The following LINGO1 variants were observed in gnomAD, a reference collection of about 807,000 sequenced individuals.
LINGO1 encodes leucine-rich repeat and immunoglobulin-like domain-containing nogo receptor-interacting protein 1.
In LINGO1, 11 loss-of-function variants were observed where a neutral mutation model predicts 37.3. That is an observed-to-expected ratio of 0.29 (90% CI 0.19 to 0.49). LINGO1 has a LOEUF of 0.49. Ranked by LOEUF, LINGO1 falls within the 20% of genes least tolerant of loss-of-function variation. The pLI is 0.99. For missense variants in LINGO1, 585 were observed against 878.2 expected, an observed-to-expected ratio of 0.67 and a Z score of 4.22; for synonymous variants, 387 against 403.0, an observed-to-expected ratio of 0.96 and a Z score of 0.48.
At chr15:77,704,410 C>T (rs1185760695) in intron 2 of LINGO1, among the ~76,000 whole-genome samples, 1 of 150,258 alleles carries the variant, frequency 6.7e-6, no homozygotes, top group Non-Finnish European at 1.5e-5. Flanking sequence ...GATTGAACCC[C>T]AACCCTGGCC....
In LINGO1 at chr15:77,613,917, G is replaced by A. The variant is rs895342846; in HGVS notation, c.*127C>T. ...GCGGGGGGCAGCAGGGGACGGAGGCGGGAGGGAGAAAGAGAACGTGTGTAG... is the reference window on the plus strand; with the variant it reads ...GCGGGGGGCAGCAGGGGACGGAGGCAGGAGGGAGAAAGAGAACGTGTGTAG... On this transcript the variant is annotated 3_prime_UTR_variant, in exon 2 of 2. Transcript: ENST00000355300. The A allele has an allele frequency of 5.0e-6, 4 of 801,704 alleles. No individual in the cohort carries two copies. Among genetic ancestry groups the A allele is most frequent in the Admixed American group, 5.7e-5 (2 of 35,292 alleles). 49.7% of individuals were successfully genotyped at this position (801,704 alleles called of 1,614,324 possible). A position where few individuals can be genotyped will look rare whatever the true frequency, so the allele number is the denominator to read the frequency against.
At chr15:77,668,349 G>A (rs1286106851) in intron 3 of LINGO1, among the ~76,000 whole-genome samples, 2 of 152,160 alleles carry the variant, frequency 1.3e-5, no homozygotes, top group African/African-American at 4.8e-5. Context: ...AGAGGGGAAA[G>A]CTTGACTCAA....
chr15:77,715,222 G>T lies in LINGO1; in HGVS notation c.-195+19770C>A, dbSNP rs937094180. On this transcript the variant is annotated intron_variant, in intron 2 of 3. Coordinates refer to the LINGO1 transcript ENST00000561686. ...CACCCCTTTCACACATCCATGGGGC[G>T]CTAGGAGGAAATGGGGCAGCCCTAT... Among the ~76,000 whole-genome samples, 4 of 152,154 alleles carry T rather than the reference G, an allele frequency of 2.6e-5. No homozygotes were observed. In the South Asian group the frequency reaches 8.3e-4, roughly 32 times the overall value.
intron 1 of LINGO1, among the ~76,000 whole-genome samples, chr15:77,809,371 C>T (rs1392893797): frequency 6.6e-6 from 1 of 152,200 alleles, no homozygotes; most frequent in Non-Finnish European, 1.5e-5. Flanking sequence ...AATCTCACCC[C>T]CACCCCTAAC....
chr15:77,633,461 G>T (rs1435557200), upstream of LINGO1, among the ~76,000 whole-genome samples: 1 of 152,190 alleles, frequency 6.6e-6, no homozygotes, highest in Non-Finnish European at 1.5e-5. Flanking sequence ...CCCTCCTCTC[G>T]AAAGTCCGCG....
chr15:77,632,440 G>T lies in LINGO1; in HGVS notation c.-125C>A. On this transcript the variant is annotated 5_prime_UTR_variant, in exon 1 of 2. Transcript: ENST00000355300. This position sits in a 1 kb window ranked among gnomAD's most constrained non-coding sequence, Gnocchi z 6.0. ...TCCTCCTCCTCCGACACCTCCGCCC[G>T]GCAGTCCGCGCGCCCTCGCGGGGCT... 9.3e-7 allele frequency: 1 copy of T among 1,072,798 alleles called. No homozygotes were observed. The highest frequency in any genetic ancestry group is 1.2e-6 in the Non-Finnish European group (1 of 841,396). 66.5% of individuals were successfully genotyped at this position (1,072,798 alleles called of 1,614,324 possible).
Position 77,614,568 on chromosome 15 carries a change from G to A in LINGO1, c.1339C>T (p.Arg447Trp), listed in dbSNP as rs1168136601. Residue 447 changes from arginine to tryptophan, a missense_variant, in exon 2 of 2, where the codon CGG (arginine) becomes TGG (tryptophan). By Grantham distance (101) the Arg-to-Trp change is moderately radical. Around this residue, in one of 4 missense-constraint regions of LINGO1, gnomAD observed 484 missense variants for 735.0 expected, o/e 0.66. Transcript: ENST00000355300. ...GCGGGCGGCGGGTCGCCATCGGCCC[G>A]GCACACAAACTGCACCGTGTGGCCC... ...DEGHTVQFVCRADGDPPPAIL... is the reference protein window; with the variant it reads ...DEGHTVQFVCWADGDPPPAIL... The A allele has an allele frequency of 1.2e-6, 2 of 1,610,510 alleles. No homozygotes were observed. The highest frequency in any genetic ancestry group is 1.7e-6 in the Non-Finnish European group (2 of 1,179,050).
rs56325112 is a variant in LINGO1 at position 77,776,526 on chromosome 15, AAGGGAGGG to A, written c.-257+10335_-257+10342del. Among the ~76,000 whole-genome samples the A allele has an allele frequency of 6.1e-4, 22 of 35,792 alleles. No homozygotes were observed. In the South Asian group the frequency reaches 0.011, roughly 19 times the overall value. 23.5% of individuals were successfully genotyped at this position (35,792 alleles called of 152,430 possible). A position where few individuals can be genotyped will look rare whatever the true frequency, so the allele number is the denominator to read the frequency against. ...GAAGGCAGGAAGGCAGGAAGGGAGG[AAGGGAGGG>A]AGGGAGGGAGGGAGGGAGGGAGGGA... is the stretch of plus-strand genomic sequence containing the variant. On this transcript the variant is annotated intron_variant, in intron 1 of 3. Transcript: ENST00000561686.
chr15:77,743,262 G>A (rs67185399), intron 1 of LINGO1, among the ~76,000 whole-genome samples: 20,489 of 152,076 alleles, frequency 0.13, 2,317 homozygotes, highest in African/African-American at 0.31. Flanking sequence ...CCTTCACCGG[G>A]AACCCACTCT....
intron 1 of LINGO1, among the ~76,000 whole-genome samples, chr15:77,801,665 G>C (rs1243744899): frequency 6.6e-6 from 1 of 152,068 alleles, no homozygotes; most frequent in African/African-American, 2.4e-5. Context: ...TGGCTAAAGG[G>C]GGAGGGGACC....
rs1479507037 is a variant in LINGO1 at position 77,614,413 on chromosome 15, G to A, written c.1494C>T (p.Ile498=). 8 of 1,612,690 alleles carry A rather than the reference G, an allele frequency of 5.0e-6. No individual in the cohort carries two copies. The South Asian group carries it at 6.6e-5, about 13-fold the overall frequency. ...AGTCGTTGCCGCCCGCGTTGGCCGC[G>A]ATGCACAGGTACGTGCCGTTGTCCT... ...QVQDNGTYLC[I]AANAGGNDSM... The change falls in exon 2 of 2, where the codon ATC becomes ATT. Residue 498 remains isoleucine (I), a synonymous_variant. Transcript: ENST00000355300.
intron 3 of LINGO1, among the ~76,000 whole-genome samples, chr15:77,639,495 G>A (rs973156164): frequency 2.0e-5 from 3 of 151,814 alleles, no homozygotes; most frequent in Non-Finnish European, 4.4e-5. Flanking sequence ...GCAGTTCCCC[G>A]AGGCATGAGC....
chr15:77,648,374 A>T (rs549394098), intron 3 of LINGO1: 1 of 159,824 alleles, frequency 6.3e-6, no homozygotes, highest in African/African-American at 2.4e-5. Flanking sequence ...AGGCCAGCAG[A>T]GCGGCAATGT....
chr15:77,740,182 T>C (rs2076248889), intron 1 of LINGO1, among the ~76,000 whole-genome samples: 1 of 152,156 alleles, frequency 6.6e-6, no homozygotes, highest in South Asian at 2.1e-4. Context: ...AGGGCTTCCC[T>C]GAGGAAGTGT....
chr15:77,647,346 AAGATCTG>A (rs899514322), intron 3 of LINGO1, among the ~76,000 whole-genome samples: 1 of 151,128 alleles, frequency 6.6e-6, no homozygotes, highest in African/African-American at 2.4e-5. Context: ...AGCTCACAGG[AAGATCTG>A]ATCCAAGGTG....
chr15:77,673,412 C>A (rs1412917914), intron 3 of LINGO1, among the ~76,000 whole-genome samples: 1 of 149,810 alleles, frequency 6.7e-6, no homozygotes, highest in African/African-American at 2.5e-5. Flanking sequence ...TGCATTTCAC[C>A]GCCCCAATCG....
chr15:77,753,626 C>T (rs1302236155), intron 1 of LINGO1, among the ~76,000 whole-genome samples: 3 of 152,196 alleles, frequency 2.0e-5, no homozygotes, highest in Non-Finnish European at 4.4e-5. Context: ...AGCATGGGGC[C>T]GCTTGCTCAC....
rs928523519 is a variant in LINGO1, at chr15:77,760,571, G to A, written c.-256-25518C>T. Among the ~76,000 whole-genome samples the A allele has an allele frequency of 2.6e-5, 4 of 152,198 alleles. No individual in the cohort carries two copies. The South Asian group carries it at 8.3e-4, about 32-fold the overall frequency. ...TGGGAGCAATCCGCTGGGGCTGATG[G>A]GTGGCCCTCCAGTTATCCACGGTCC... is the stretch of plus-strand genomic sequence containing the variant. On this transcript the variant is annotated intron_variant, in intron 1 of 3. Transcript: ENST00000561686.
chr15:77,695,824 C>T (rs2075682329), intron 1 of LINGO1: 1 of 152,184 alleles, frequency 6.6e-6, no homozygotes, highest in African/African-American at 2.4e-5. Context: ...AGCCTGTCCC[C>T]AGAGCATGCA....
Sources: gnomAD v4.1 joint callset for allele counts (sites outside exome capture counted in the v4.1 genomes callset) on GRCh38, gnomAD v4.1.1 for gene constraint, gnomAD v4.1.1 regional missense constraint, Gnocchi (gnomAD v3.1) non-coding constraint, MANE v1.5 for transcripts, NCBI Gene and HGNC (gene_info 2026-07-23, HGNC 2026-07-21) for gene names.